TNRC6A: variants seen among roughly 807,000 people sequenced by gnomAD.
The protein encoded by TNRC6A is trinucleotide repeat containing adaptor 6A.
In TNRC6A, 44 loss-of-function variants were observed where a neutral mutation model predicts 221.2. The ratio of observed to expected loss-of-function variants is 0.20; its 90% confidence interval spans 0.16 to 0.26. The LOEUF (loss-of-function observed/expected upper bound fraction) is 0.26. TNRC6A is among the 10% of genes least tolerant of loss of function. The pLI is 1.00. For synonymous variants in TNRC6A, 847 were observed against 838.5 expected (o/e 1.01, Z -0.18); for missense variants, 2,199 against 2,404.4 (o/e 0.91, Z 1.79).
intron 18 of TNRC6A, among the ~76,000 whole-genome samples, chr16:24,814,004 T>A (rs2152061270): frequency 6.6e-6 from 1 of 152,248 alleles, no homozygotes; most frequent in East Asian, 1.9e-4. Context: ...CAAGTGACTT[T>A]AATTCTGCTT....
At chr16:24,753,900 A>G (rs1212879180) in intron 3 of TNRC6A, among the ~76,000 whole-genome samples, 3 of 152,222 alleles carry the variant, frequency 2.0e-5, no homozygotes, top group Non-Finnish European at 4.4e-5. Context: ...CCTTGGTTTT[A>G]TCATGGTGAC....
rs1402763759 is a variant in TNRC6A, at chr16:24,806,581, C to T, written c.4337C>T (p.Pro1446Leu). The stretch of plus-strand genomic sequence containing the variant: ...TCATTTCATTGTTTTAAGGGTCGAC[C>T]TCTTAGTGTGCAGCAGCAAATGATG... ...NRPQQDQQGR[P>L]LSVQQQMMQQ... Residue 1446 changes from proline to leucine, a missense_variant, in exon 17 of 25, where the codon CCT becomes CTT. Physicochemically the swap from Pro to Leu is moderately conservative, Grantham distance 98. Transcript: ENST00000395799. 6.2e-7 allele frequency: 1 copy of T among 1,614,126 alleles called. No individual in the cohort carries two copies. Among genetic ancestry groups the T allele is most frequent in the South Asian group, 1.1e-5 (1 of 91,080 alleles).
intron 4 of TNRC6A, among the ~76,000 whole-genome samples, chr16:24,775,972 G>A (rs1013609363): frequency 7.2e-5 from 11 of 152,184 alleles, no homozygotes; most frequent in Admixed American, 4.6e-4. Context: ...TATGTTCTGT[G>A]TTTTATAAAC....
intron 1 of TNRC6A, among the ~76,000 whole-genome samples, chr16:24,620,022 G>T (rs1262538377): frequency 6.6e-6 from 1 of 152,074 alleles, no homozygotes; most frequent in African/African-American, 2.4e-5. Context: ...CATACCTGTA[G>T]TGCCAGCTTC....
intron 14 of TNRC6A, 134 bp from the exon 15 acceptor site, chr16:24,805,471 C>A: frequency 1.5e-6 from 2 of 1,295,354 alleles, no homozygotes; most frequent in South Asian, 1.4e-5. Context: ...GTTAGTAAGA[C>A]AGAGACAAAG....
intron 1 of TNRC6A, among the ~76,000 whole-genome samples, chr16:24,631,282 G>A (rs1901326361): frequency 6.6e-6 from 1 of 151,830 alleles, no homozygotes; most frequent in Non-Finnish European, 1.5e-5. Flanking sequence ...GTATGGTGAA[G>A]GCCACAGATT....
intron 17 of TNRC6A, among the ~76,000 whole-genome samples, chr16:24,808,792 C>T (rs1457139939): frequency 1.3e-5 from 2 of 152,070 alleles, no homozygotes; most frequent in African/African-American, 2.4e-5. Context: ...TTTAAACAAG[C>T]GTTTTAGGTG....
At chr16:24,715,306 C>A (rs1397964713) in intron 2 of TNRC6A, among the ~76,000 whole-genome samples, 1 of 151,122 alleles carries the variant, frequency 6.6e-6, no homozygotes, top group Non-Finnish European at 1.5e-5. Flanking sequence ...AACTTCTGAG[C>A]TCAGGTGATG....
chr16:24,818,302 G>A (rs149218326), intron 20 of TNRC6A, among the ~76,000 whole-genome samples: 88 of 152,316 alleles, frequency 5.8e-4, no homozygotes, highest in Non-Finnish European at 1.1e-3. Context: ...GCAGAGCCAA[G>A]TGCTGTCTTG....
At chr16:24,730,165 C>T (rs1165191656) in intron 1 of TNRC6A, 88 bp from the exon 2 acceptor site, 1 of 1,330,800 alleles carries the variant, frequency 7.5e-7, no homozygotes, top group Non-Finnish European at 1.0e-6. Flanking sequence ...CCGGCGCGAG[C>T]CTCTGCCGCA....
intron 4 of TNRC6A, among the ~76,000 whole-genome samples, chr16:24,771,582 T>TTATGTTGTTA: frequency 0.03 from 2,839 of 95,170 alleles, 76 homozygotes; most frequent in Middle Eastern, 0.052. Context: ...TTATGTTATG[T>TTATGTTGTTA]TGTTATGTTA....
chr16:24,730,786 C>T (rs1479915653), intron 2 of TNRC6A, among the ~76,000 whole-genome samples: 1 of 117,206 alleles, frequency 8.5e-6, no homozygotes, highest in Non-Finnish European at 1.6e-5. Flanking sequence ...GATTCTGTTG[C>T]ATTGGACACA....
In TNRC6A at chr16:24,629,767, C is replaced by T. The variant is rs1320403869; in HGVS notation, n.277-11117C>T. Among the ~76,000 whole-genome samples the T allele has an allele frequency of 3.3e-5, 5 of 151,994 alleles. No individual in the cohort carries two copies. The East Asian group carries it at 7.7e-4, about 23-fold the overall frequency. On this transcript the variant is annotated intron_variant and non_coding_transcript_variant, in intron 1 of 2. Coordinates refer to the TNRC6A transcript ENST00000566108. ...GCCGAGGCAGGTGAATTGTTTGAGT[C>T]CAGGAGTTTGAGACCAGGCTGCAAA...
intron 2 of TNRC6A, among the ~76,000 whole-genome samples, chr16:24,687,875 AAGAAGAAGC>A (rs745324565): frequency 1.3e-5 from 2 of 150,868 alleles, no homozygotes; most frequent in South Asian, 4.2e-4. Flanking sequence ...GAAGAAGAAG[AAGAAGAAGC>A]AGCTTATTCC....
chr16:24,794,058 G>T lies in TNRC6A; in HGVS notation c.3352+409G>T, dbSNP rs1451648871. Among the ~76,000 whole-genome samples, 3 of 152,234 alleles carry T rather than the reference G, an allele frequency of 2.0e-5. No homozygotes were observed. In the East Asian group the frequency reaches 5.8e-4, roughly 29 times the overall value. On this transcript the variant is annotated intron_variant, in intron 7 of 24. Coordinates refer to ENST00000395799, the MANE Select transcript of TNRC6A (RefSeq NM_014494.4). ...CATAGTTCAGAAAAGACCCAAGATTGAAATTAACATTGTCATTATCCCATA... is the reference window on the plus strand; with the variant it reads ...CATAGTTCAGAAAAGACCCAAGATTTAAATTAACATTGTCATTATCCCATA...
chr16:24,611,142 T>C (rs1212197870), intron 1 of TNRC6A, among the ~76,000 whole-genome samples: 1 of 152,128 alleles, frequency 6.6e-6, no homozygotes, highest in Non-Finnish European at 1.5e-5. Flanking sequence ...CATACCTTTC[T>C]GTCTCCCACT....
chr16:24,683,617 C>T (rs779922065), intron 2 of TNRC6A, among the ~76,000 whole-genome samples: 1 of 152,196 alleles, frequency 6.6e-6, no homozygotes, highest in South Asian at 2.1e-4. Context: ...TGGTAGAGTG[C>T]CGTGCTAACA....
Position 24,795,956 on chromosome 16 carries a change from C to A in TNRC6A, c.3561+17C>A. 6.2e-7 allele frequency: 1 copy of A among 1,612,970 alleles called. No individual in the cohort carries two copies. The highest frequency in any genetic ancestry group is 1.1e-5 in the South Asian group (1 of 90,930). On this transcript the variant is annotated intron_variant, in intron 9 of 24. Coordinates refer to ENST00000395799, the MANE Select transcript of TNRC6A (RefSeq NM_014494.4). Reference sequence around the variant, plus strand: ...AGGGAAAGGGTGTGTAGCCTTTTTACTCTTTCTCCTTTGTTTCTACTAGTA... The same window carrying A: ...AGGGAAAGGGTGTGTAGCCTTTTTAATCTTTCTCCTTTGTTTCTACTAGTA...
chr16:24,706,947 CAGAT>C (rs1395169040), intron 2 of TNRC6A, among the ~76,000 whole-genome samples: 1 of 151,050 alleles, frequency 6.6e-6, no homozygotes, highest in East Asian at 2.0e-4. Context: ...AAATTCCAGA[CAGAT>C]AAACGATGTA....
Sources: gnomAD v4.1 joint callset for allele counts (sites outside exome capture counted in the v4.1 genomes callset) on GRCh38, gnomAD v4.1.1 for gene constraint, MANE v1.5 for transcripts, NCBI Gene and HGNC (gene_info 2026-07-23, HGNC 2026-07-21) for gene names.